Variants in CCDC148 observed in about 807,000 individuals in gnomAD.
The protein encoded by CCDC148 is coiled-coil domain-containing protein 148.
A neutral mutation model predicts 85.7 loss-of-function variants in CCDC148; 89 were observed. The observed-to-expected ratio is 1.04, with a 90% CI of 0.87 to 1.24. The LOEUF (loss-of-function observed/expected upper bound fraction) is 1.24, where lower values mean the gene tolerates loss of function less well. Ranked by LOEUF, CCDC148 falls within the 50% of genes most tolerant of loss-of-function variation. CCDC148 has a pLI of 0.00. For missense variants in CCDC148, 692 were observed against 671.7 expected (o/e 1.03, Z -0.33); for synonymous variants, 230 against 213.9 (o/e 1.08, Z -0.66).
In CCDC148 at chr2:158,322,366, T is replaced by C. The variant is rs145608752; in HGVS notation, c.765-8472A>G. ...AATATTTAATACATGACCTAAATCA[T>C]AGAAGCAGCTCAGTAACCATTTATT... On this transcript the variant is annotated intron_variant, in intron 7 of 13. Coordinates refer to ENST00000283233, the MANE Select transcript of CCDC148 (RefSeq NM_138803.4). Among the ~76,000 whole-genome samples, 1,462 of 152,132 alleles carry C rather than the reference T, an allele frequency of 9.6e-3. 18 individuals are homozygous for C. Among genetic ancestry groups the C allele is most frequent in the African/African-American group, 0.033 (1,355 of 41,546 alleles).
chr2:158,287,117 T>G (rs903433024), intron 9 of CCDC148, among the ~76,000 whole-genome samples: 16 of 152,168 alleles, frequency 1.1e-4, no homozygotes, highest in African/African-American at 3.9e-4. Context: ...CTTGTGAGAC[T>G]TATTCACCAT....
At chr2:158,365,968 T>G in intron 1 of CCDC148, 1 of 1,277,864 alleles carries the variant, frequency 7.8e-7, no homozygotes, top group Non-Finnish European at 1.1e-6. Flanking sequence ...CAAAAGTACA[T>G]AATCCACTGT....
At chr2:158,230,398 T>C (rs1687796418) in intron 10 of CCDC148, among the ~76,000 whole-genome samples, 1 of 152,120 alleles carries the variant, frequency 6.6e-6, no homozygotes, top group African/African-American at 2.4e-5. Flanking sequence ...GAAAACCTGG[T>C]AGATGAGCGT....
intron 7 of CCDC148, among the ~76,000 whole-genome samples, chr2:158,314,730 G>T (rs1692199428): frequency 1.3e-5 from 2 of 152,092 alleles, no homozygotes. Context: ...TAATAAATTA[G>T]AATAATCAAA....
At chr2:158,395,456 A>C (rs541467273) in intron 1 of CCDC148, among the ~76,000 whole-genome samples, 9 of 152,276 alleles carry the variant, frequency 5.9e-5, no homozygotes, top group African/African-American at 2.2e-4. Flanking sequence ...CTGCTTGAGC[A>C]GGCACCTACA....
At chr2:158,350,217 C>T (rs969636175) in intron 2 of CCDC148, among the ~76,000 whole-genome samples, 3 of 152,054 alleles carry the variant, frequency 2.0e-5, no homozygotes, top group Admixed American at 2.0e-4. Context: ...TTGTAAAAAC[C>T]ACAATAATTA....
At chr2:158,379,584 G>A (rs1308555383) in intron 1 of CCDC148, among the ~76,000 whole-genome samples, 1 of 152,116 alleles carries the variant, frequency 6.6e-6, no homozygotes, top group East Asian at 1.9e-4. Flanking sequence ...GTCAATTGAT[G>A]TGTCAAACTT....
chr2:158,208,080 G>A (rs756158686), intron 11 of CCDC148, among the ~76,000 whole-genome samples: 1 of 152,044 alleles, frequency 6.6e-6, no homozygotes, highest in Non-Finnish European at 1.5e-5. Context: ...CACAGGTCAT[G>A]GAATATAAAG....
chr2:158,411,339 G>C (rs1181154668), intron 1 of CCDC148, among the ~76,000 whole-genome samples: 1 of 151,914 alleles, frequency 6.6e-6, no homozygotes, highest in East Asian at 1.9e-4. Context: ...TGGTTCACTT[G>C]AAAATGTCCC....
intron 2 of CCDC148, among the ~76,000 whole-genome samples, chr2:158,345,708 G>A (rs1682962930): frequency 6.6e-6 from 1 of 152,040 alleles, no homozygotes; most frequent in African/African-American, 2.4e-5. Flanking sequence ...CACATTTTTG[G>A]AGGAGAATAT....
intron 9 of CCDC148, among the ~76,000 whole-genome samples, chr2:158,297,135 T>C (rs1364041293): frequency 6.6e-6 from 1 of 152,178 alleles, no homozygotes; most frequent in African/African-American, 2.4e-5. Context: ...CTGCCTTAAA[T>C]TGGCAGAAAC....
intron 1 of CCDC148, among the ~76,000 whole-genome samples, chr2:158,429,846 T>G (rs973122644): frequency 6.6e-6 from 1 of 152,160 alleles, no homozygotes; most frequent in Non-Finnish European, 1.5e-5. Flanking sequence ...GTGGGACTCA[T>G]GATTGCCATG....
intron 1 of CCDC148, among the ~76,000 whole-genome samples, chr2:158,412,830 TTATTATTATTATTATTA>T (rs1686321767): frequency 7.5e-5 from 2 of 26,796 alleles, no homozygotes; most frequent in African/African-American, 4.7e-4. Context: ...TAAGTATTTA[TTATTATTATTATTATTA>T]TTATTATTAT....
chr2:158,313,609 C>T, intron 8 of CCDC148, 147 bp downstream of exon 8: 2 of 904,272 alleles, frequency 2.2e-6, no homozygotes, highest in Non-Finnish European at 3.1e-6. Flanking sequence ...CACAGGCTTT[C>T]AAACTATTAT....
At chr2:158,263,242 C>T (rs1397017476) in intron 9 of CCDC148, among the ~76,000 whole-genome samples, 1 of 151,960 alleles carries the variant, frequency 6.6e-6, no homozygotes, top group Non-Finnish European at 1.5e-5. Context: ...GAATGGAGGC[C>T]TTGAGAAAGT....
chr2:158,269,852 C>T (rs1177655903), intron 9 of CCDC148, among the ~76,000 whole-genome samples: 1 of 152,186 alleles, frequency 6.6e-6, no homozygotes, highest in African/African-American at 2.4e-5. Context: ...TCTTGGGCTC[C>T]ACTTTAGGTG....
intron 1 of CCDC148, among the ~76,000 whole-genome samples, chr2:158,449,835 T>A (rs1303679185): frequency 6.6e-6 from 1 of 152,104 alleles, no homozygotes; most frequent in East Asian, 1.9e-4. Flanking sequence ...AAGCATGGAG[T>A]CTTTCACCAT....
chr2:158,235,231 T>C, intron 10 of CCDC148, among the ~76,000 whole-genome samples: 1 of 152,232 alleles, frequency 6.6e-6, no homozygotes, highest in East Asian at 1.9e-4. Context: ...AGGAAATTAA[T>C]ATTTGGGAGG....
chr2:158,220,039 C>G (rs1375660799), intron 11 of CCDC148, among the ~76,000 whole-genome samples: 5 of 152,170 alleles, frequency 3.3e-5, no homozygotes, highest in Admixed American at 1.3e-4. Flanking sequence ...GAAAAAATAA[C>G]TTAAATCTCT....
Sources: allele counts gnomAD v4.1 joint callset (sites outside exome capture counted in the v4.1 genomes callset), GRCh38; gene constraint gnomAD v4.1.1; transcripts MANE v1.5; gene names NCBI Gene and HGNC (gene_info 2026-07-23, HGNC 2026-07-21).